The following FBXO42 variants were observed in gnomAD, a reference collection of about 807,000 sequenced individuals.
FBXO42 encodes the protein F-box only protein 42.
FBXO42 carries 12 observed loss-of-function variants against 71.7 expected under a neutral mutation model. That is an observed-to-expected ratio of 0.17 (90% CI 0.11 to 0.27). FBXO42 has a LOEUF of 0.27. Among genes scored for constraint, FBXO42 ranks in the 10% least tolerant of loss-of-function variants. The probability of loss-of-function intolerance (pLI) is 1.00; values close to 1 mark genes in which losing one functional copy is unlikely to be tolerated. For missense variants in FBXO42, 707 were observed against 911.9 expected (o/e 0.78, Z 2.89); for synonymous variants, 325 against 327.5 (o/e 0.99, Z 0.08).
chr1:16,314,024 G>A (rs533195456), intron 2 of FBXO42, among the ~76,000 whole-genome samples: 2 of 152,178 alleles, frequency 1.3e-5, no homozygotes, highest in Admixed American at 1.3e-4. Flanking sequence ...CGTGATCTTG[G>A]CTCACTGCAA....
At chr1:16,303,848 C>G (rs1264915437) in intron 3 of FBXO42, among the ~76,000 whole-genome samples, 1 of 152,130 alleles carries the variant, frequency 6.6e-6, no homozygotes, top group East Asian at 1.9e-4. Flanking sequence ...TGGATTCACG[C>G]CATTCTCCTG....
chr1:16,278,850 C>G (rs1341001148), intron 4 of FBXO42, among the ~76,000 whole-genome samples: 1 of 152,084 alleles, frequency 6.6e-6, no homozygotes, highest in East Asian at 1.9e-4. Flanking sequence ...GCAATCTTGG[C>G]TCACCACAAC....
At chr1:16,273,705 C>A (rs899932654) in intron 4 of FBXO42, among the ~76,000 whole-genome samples, 7 of 151,838 alleles carry the variant, frequency 4.6e-5, no homozygotes, top group East Asian at 1.9e-4. Context: ...CATGATGAAA[C>A]CCTGTCTCAA....
At chr1:16,314,583 A>T (rs1400615745) in intron 2 of FBXO42, among the ~76,000 whole-genome samples, 1 of 152,242 alleles carries the variant, frequency 6.6e-6, no homozygotes, top group Non-Finnish European at 1.5e-5. Flanking sequence ...ATTGGCTATT[A>T]CTATTATCCC....
chr1:16,334,644 C>T (rs1273769996), intron 1 of FBXO42, among the ~76,000 whole-genome samples: 1 of 152,082 alleles, frequency 6.6e-6, no homozygotes, highest in African/African-American at 2.4e-5. Context: ...ACACACTTAA[C>T]AGAATTCCCG....
chr1:16,272,115 A>G (rs35411615), intron 4 of FBXO42, among the ~76,000 whole-genome samples: 1 of 140,664 alleles, frequency 7.1e-6, no homozygotes, highest in Admixed American at 7.3e-5. Flanking sequence ...AGATTGTGCC[A>G]CTGCACTCCA....
chr1:16,315,987 A>C (rs1569912341), intron 1 of FBXO42, among the ~76,000 whole-genome samples: 1 of 151,958 alleles, frequency 6.6e-6, no homozygotes, highest in African/African-American at 2.4e-5. Flanking sequence ...CCTGACAAAC[A>C]TGGAGAAACC....
chr1:16,272,819 T>C (rs1262642088), intron 4 of FBXO42, among the ~76,000 whole-genome samples: 2 of 152,186 alleles, frequency 1.3e-5, no homozygotes, highest in Non-Finnish European at 2.9e-5. Context: ...ACACGAACAA[T>C]GGCTAGCATT....
chr1:16,254,015 C>A (rs1372038641), intron 6 of FBXO42, among the ~76,000 whole-genome samples: 1 of 152,196 alleles, frequency 6.6e-6, no homozygotes, highest in African/African-American at 2.4e-5. Context: ...ACTGTTACTA[C>A]TGTCTGAGGA....
At chr1:16,348,788 T>G (rs2082675095) in intron 1 of FBXO42, among the ~76,000 whole-genome samples, 1 of 152,200 alleles carries the variant, frequency 6.6e-6, no homozygotes, top group Non-Finnish European at 1.5e-5. Context: ...TCTTCTCATT[T>G]TATTTATTGT....
intron 4 of FBXO42, 111 bp downstream of exon 4, chr1:16,294,672 C>A: frequency 9.1e-7 from 1 of 1,100,834 alleles, no homozygotes; most frequent in Non-Finnish European, 1.3e-6. Context: ...ACTTAAGGAC[C>A]TGAGTCCCAG....
chr1:16,350,766 A>AAAGAAAGG (rs1213002614), intron 1 of FBXO42, among the ~76,000 whole-genome samples: 1 of 140,830 alleles, frequency 7.1e-6, no homozygotes, highest in South Asian at 2.2e-4. Flanking sequence ...AAAAAGAAAG[A>AAAGAAAGG]AAGAAAGAAA....
At chr1:16,308,995 G>A (rs1299343837) in intron 2 of FBXO42, among the ~76,000 whole-genome samples, 3 of 141,362 alleles carry the variant, frequency 2.1e-5, no homozygotes, top group Admixed American at 7.3e-5. Context: ...CGCCCACCTC[G>A]GCCTCCCAAA....
intron 1 of FBXO42, among the ~76,000 whole-genome samples, chr1:16,324,710 G>C (rs1251668715): frequency 6.6e-6 from 1 of 152,202 alleles, no homozygotes. Flanking sequence ...CCAGCTACAG[G>C]GGGTCTGAGG....
intron 1 of FBXO42, among the ~76,000 whole-genome samples, chr1:16,348,439 C>A (rs187591266): frequency 1.5e-4 from 23 of 152,268 alleles, no homozygotes; most frequent in Admixed American, 1.4e-3. Context: ...TGGCTGAAGC[C>A]TGTAATCCCA....
chr1:16,269,388 C>T (rs1323128839), intron 4 of FBXO42, among the ~76,000 whole-genome samples: 4 of 140,030 alleles, frequency 2.9e-5, no homozygotes, highest in Non-Finnish European at 6.3e-5. Context: ...CGAACCCAGA[C>T]TTTTTTTTTT....
At chr1:16,315,073 A>G in intron 2 of FBXO42, 96 bp downstream of exon 2, 1 of 1,338,058 alleles carries the variant, frequency 7.5e-7, no homozygotes, top group Non-Finnish European at 1.0e-6. Flanking sequence ...TATAACCATA[A>G]TACATTTAAG....
chr1:16,328,508 A>G (rs1195467986), intron 1 of FBXO42, among the ~76,000 whole-genome samples: 1 of 152,222 alleles, frequency 6.6e-6, no homozygotes, highest in Non-Finnish European at 1.5e-5. Context: ...TAGTCAAGGA[A>G]GGAAGATAGA....
chr1:16,302,259 C>T (rs1024167154), intron 3 of FBXO42, among the ~76,000 whole-genome samples: 9 of 152,076 alleles, frequency 5.9e-5, no homozygotes, highest in Non-Finnish European at 1.3e-4. Flanking sequence ...TTAAGAAGGG[C>T]AGGCCGGGTG....
Sources: gnomAD v4.1 joint callset for allele counts (sites outside exome capture counted in the v4.1 genomes callset) on GRCh38, gnomAD v4.1.1 for gene constraint, MANE v1.5 for transcripts, NCBI Gene and HGNC (gene_info 2026-07-23, HGNC 2026-07-21) for gene names.